Variants in DNA2 observed in about 807,000 individuals in gnomAD.
DNA2 encodes the protein DNA replication ATP-dependent helicase/nuclease DNA2.
A neutral mutation model predicts 119.1 loss-of-function variants in DNA2; 101 were observed. The observed-to-expected ratio is 0.85, with a 90% CI of 0.72 to 1.00. The LOEUF (loss-of-function observed/expected upper bound fraction) is 1.00. DNA2 is among the 50% of genes least tolerant of loss of function. The probability of loss-of-function intolerance (pLI) is 0.00; values close to 1 mark genes in which losing one functional copy is unlikely to be tolerated. For synonymous variants in DNA2, 366 were observed against 424.4 expected, an observed-to-expected ratio of 0.86 and a Z score of 1.69; for missense variants, 1,121 against 1,255.5, an observed-to-expected ratio of 0.89 and a Z score of 1.62.
In DNA2 at chr10:68,414,580, G is replaced by T. The variant is rs989734919; in HGVS notation, c.*459C>A. On this transcript the variant is annotated 3_prime_UTR_variant, in exon 21 of 21. Coordinates refer to ENST00000358410, the MANE Select transcript of DNA2 (RefSeq NM_001080449.3). ...TGTCATAAAAGACTAGGTTTAGAGT[G>T]AAAACACATCTGATAGCAGAAAAAA... The T allele has an allele frequency of 1.3e-5, 2 of 152,872 alleles. No homozygotes were observed. Among genetic ancestry groups the T allele is most frequent in the African/African-American group, 4.8e-5 (2 of 41,460 alleles). The allele number at this position is 152,872 out of a possible 1,614,324, so 9.5% of individuals were successfully genotyped here. A position where few individuals can be genotyped will look rare whatever the true frequency, so the allele number is the denominator to read the frequency against.
At chr10:68,441,733 C>T (rs2051971254) in intron 9 of DNA2, among the ~76,000 whole-genome samples, 1 of 152,040 alleles carries the variant, frequency 6.6e-6, no homozygotes, top group Non-Finnish European at 1.5e-5. Flanking sequence ...TGACAACATG[C>T]CACTGCACTC....
At chr10:68,449,949 G>GTCTCT in intron 6 of DNA2, 79 bp downstream of exon 6, 1 of 1,048,290 alleles carries the variant, frequency 9.5e-7, no homozygotes, top group South Asian at 1.7e-5. Flanking sequence ...TCTCCAGCCT[G>GTCTCT]GGAGACAGAA....
At position 68,432,301 on chromosome 10, in the gene DNA2, T is replaced by C. The variant is rs1327705908; in HGVS notation, c.1778A>G (p.Asp593Gly). The C allele has an allele frequency of 6.2e-7, 1 of 1,600,728 alleles. No individual in the cohort carries two copies. Among genetic ancestry groups the C allele is most frequent in the African/African-American group, 1.4e-5 (1 of 74,050 alleles). Reference sequence around the variant, plus strand: ...AGGTTCACGAAAGTCAATAATTAAATCTCGAAGTTTTTTGCTGAAAAGTGA... The same window carrying C: ...AGGTTCACGAAAGTCAATAATTAAACCTCGAAGTTTTTTGCTGAAAAGTGA... ...ENTFVSKKLR[D>G]LIIDFREPQF... Residue 593 changes from aspartate to glycine, a missense_variant, in exon 12 of 21, where the codon GAT becomes GGT. Coordinates refer to ENST00000358410, the MANE Select transcript of DNA2 (RefSeq NM_001080449.3).
intron 10 of DNA2, among the ~76,000 whole-genome samples, chr10:68,434,635 G>A (rs578103549): frequency 1.8e-4 from 26 of 148,486 alleles, no homozygotes; most frequent in Non-Finnish European, 3.1e-4. Context: ...CTGGGCTGGA[G>A]TGAGACCATG....
chr10:68,464,899 T>C (rs2052308788), intron 4 of DNA2, among the ~76,000 whole-genome samples: 1 of 149,264 alleles, frequency 6.7e-6, no homozygotes. Flanking sequence ...TACCTGTTGT[T>C]CCAGATACTC....
intron 4 of DNA2, among the ~76,000 whole-genome samples, chr10:68,462,478 A>C (rs1245324102): frequency 6.6e-6 from 1 of 152,176 alleles, no homozygotes; most frequent in African/African-American, 2.4e-5. Flanking sequence ...ACATAAACAA[A>C]AGCTCTTTCC....
At position 68,471,771 on chromosome 10, in the gene DNA2, C is replaced by T. The variant is rs1427175509; in HGVS notation, c.74+20G>A. On this transcript the variant is annotated intron_variant, in intron 1 of 20. Transcript: ENST00000358410. Reference sequence around the variant, plus strand: ...CAAATCTCCCGCTTTGTTCCCACACCCTCCCCCCTCTCCGCTCACAGCTCC... The same window carrying T: ...CAAATCTCCCGCTTTGTTCCCACACTCTCCCCCCTCTCCGCTCACAGCTCC... 1.3e-6 allele frequency: 2 copies of T among 1,581,450 alleles called. No homozygotes were observed. Among genetic ancestry groups the T allele is most frequent in the East Asian group, 2.2e-5 (1 of 44,556 alleles).
At chr10:68,441,962 C>G (rs1564886838) in intron 9 of DNA2, among the ~76,000 whole-genome samples, 1 of 151,658 alleles carries the variant, frequency 6.6e-6, no homozygotes, top group Non-Finnish European at 1.5e-5. Context: ...AGGTCTGGCT[C>G]TATCACCCAG....
Position 68,471,791 on chromosome 10 carries a change from A to G in DNA2, c.74T>C (p.Leu25Pro), listed in dbSNP as rs754233560. ...CACACCCTCCCCCCTCTCCGCTCACAGCTCCGCCGGCAGCTCCGCCTCCTC... is the reference window on the plus strand; with the variant it reads ...CACACCCTCCCCCCTCTCCGCTCACGGCTCCGCCGGCAGCTCCGCCTCCTC... ...FWEEAELPAE[L>P]FQKKVVASFP... The change falls in exon 1 of 21, where the codon CTA becomes CCA. Residue 25 changes from leucine to proline, a missense_variant and splice_region_variant. By Grantham distance (98) the Leu-to-Pro change is moderately conservative (BLOSUM62 -3). Transcript: ENST00000358410. 1 of 1,597,760 alleles carries G rather than the reference A, an allele frequency of 6.3e-7. No individual in the cohort carries two copies. Among genetic ancestry groups the G allele is most frequent in the Non-Finnish European group, 8.5e-7 (1 of 1,173,444 alleles).
chr10:68,455,426 T>C, intron 5 of DNA2, among the ~76,000 whole-genome samples: 1 of 152,204 alleles, frequency 6.6e-6, no homozygotes, highest in East Asian at 1.9e-4. Flanking sequence ...AAATTTATTT[T>C]TAAAACACAA....
chr10:68,459,195 C>T lies in DNA2; in HGVS notation c.628G>A (p.Val210Ile), dbSNP rs1299890605. 11 of 1,569,126 alleles carry T rather than the reference C, an allele frequency of 7.0e-6. No homozygotes were observed. In the South Asian group the frequency reaches 1.1e-4, roughly 15 times the overall value. Residue 210 changes from valine to isoleucine, a missense_variant, in exon 5 of 21, where the codon GTA becomes ATA. Val to Ile is a conservative substitution (Grantham distance 29). Transcript: ENST00000358410. ...CAAAACGAAGGAAGATAGTCCTCTA[C>T]TTCTTGTTTTATTTCATCTTGACTT... The part of the protein sequence containing the change: ...NLSQDEIKQE[V>I]EDYLPSFCKW...
At chr10:68,442,855 A>G (rs1305767100) in intron 9 of DNA2, 62 bp downstream of exon 9, 4 of 1,385,062 alleles carry the variant, frequency 2.9e-6, no homozygotes, top group Non-Finnish European at 2.0e-6. Flanking sequence ...ATAAATTCCA[A>G]AGGCCACCTC....
intron 4 of DNA2, among the ~76,000 whole-genome samples, chr10:68,460,793 C>A (rs2052247712): frequency 6.6e-6 from 1 of 151,944 alleles, no homozygotes; most frequent in Non-Finnish European, 1.5e-5. Context: ...AAACTATAGT[C>A]CCAGCTACTC....
At chr10:68,441,944 T>C (rs2051974450) in intron 9 of DNA2, among the ~76,000 whole-genome samples, 1 of 152,166 alleles carries the variant, frequency 6.6e-6, no homozygotes, top group South Asian at 2.1e-4. Context: ...TTTTTTTTTT[T>C]TGAGTCAAGG....
chr10:68,471,893 C>A lies in DNA2; in HGVS notation c.-29G>T. On this transcript the variant is annotated 5_prime_UTR_variant, in exon 1 of 21. Coordinates refer to ENST00000358410, the MANE Select transcript of DNA2 (RefSeq NM_001080449.3). ...GGACGCGGGGATCGCAAACTGTAGA[C>A]AGAAAAGACAGCGGAACCGGGGGTA... is the stretch of plus-strand genomic sequence containing the variant. The A allele has an allele frequency of 6.2e-7, 1 of 1,613,928 alleles. No individual in the cohort carries two copies. The highest frequency in any genetic ancestry group is 8.5e-7 in the Non-Finnish European group (1 of 1,179,802).
At chr10:68,468,396 A>AT in intron 2 of DNA2, 90 bp from the exon 3 acceptor site, 1 of 827,144 alleles carries the variant, frequency 1.2e-6, no homozygotes, top group Non-Finnish European at 1.7e-6. Flanking sequence ...ATAAATGAGT[A>AT]TTTTATCTGA....
At chr10:68,430,769 T>A in intron 13 of DNA2, 109 bp from the exon 14 acceptor site, 1 of 866,454 alleles carries the variant, frequency 1.2e-6, no homozygotes, top group Non-Finnish European at 1.7e-6. Context: ...CTGAGCCAAG[T>A]AAAAATTATG....
intron 5 of DNA2, among the ~76,000 whole-genome samples, chr10:68,458,660 C>A (rs2052217054): frequency 6.6e-6 from 1 of 151,588 alleles, no homozygotes; most frequent in Admixed American, 6.6e-5. Flanking sequence ...GCCAGTCTAG[C>A]CAACATGGTG....
At chr10:68,433,851 A>G (rs1158787479) in intron 10 of DNA2, among the ~76,000 whole-genome samples, 1 of 152,226 alleles carries the variant, frequency 6.6e-6, no homozygotes, top group Non-Finnish European at 1.5e-5. Flanking sequence ...CATTATCCTG[A>G]ATGCTCCATG....
Sources: allele counts gnomAD v4.1 joint callset (sites outside exome capture counted in the v4.1 genomes callset), GRCh38; gene constraint gnomAD v4.1.1; transcripts MANE v1.5; gene names NCBI Gene and HGNC (gene_info 2026-07-23, HGNC 2026-07-21).